Variants in F5 observed in about 807,000 individuals in gnomAD.
F5 encodes the protein coagulation factor V.
In F5, 138 loss-of-function variants were observed where a neutral mutation model predicts 216.4. The ratio of observed to expected loss-of-function variants is 0.64; its 90% CI spans 0.56 to 0.73. The LOEUF (loss-of-function observed/expected upper bound fraction) is 0.73, where lower values mean the gene tolerates loss of function less well. Ranked by LOEUF, F5 falls within the 30% of genes least tolerant of loss-of-function variation. The probability of loss-of-function intolerance (pLI) is 0.00; values close to 1 mark genes in which losing one functional copy is unlikely to be tolerated. For missense variants in F5, 2,403 were observed against 2,674.0 expected (o/e 0.90, Z 2.24); for synonymous variants, 916 against 930.7 (o/e 0.98, Z 0.29).
At chr1:169,554,828 T>A (rs1448186201) in intron 7 of F5, among the ~76,000 whole-genome samples, 1 of 152,232 alleles carries the variant, frequency 6.6e-6, no homozygotes, top group Non-Finnish European at 1.5e-5. Flanking sequence ...AAGAGCTATT[T>A]GAATTTCCAA....
rs550079731 is a variant in F5, at chr1:169,535,081, A to G, written c.4971+1425T>C. 6.2e-4 allele frequency among the ~76,000 whole-genome samples: 94 copies of G among 152,302 alleles called. 2 individuals carry two copies. In the South Asian group the frequency reaches 0.019, roughly 31 times the overall value. ...GATGAAAAACTATTGGGTACTATGC[A>G]CGCTACTTGGATGATGGGATCAATC... On this transcript the variant is annotated intron_variant, in intron 14 of 24. Transcript: ENST00000367797.
chr1:169,553,920 C>T (rs1276490532), intron 7 of F5, among the ~76,000 whole-genome samples: 1 of 152,164 alleles, frequency 6.6e-6, no homozygotes, highest in Non-Finnish European at 1.5e-5. Flanking sequence ...TCAGAAATAT[C>T]ATTTAACCCA....
intron 1 of F5, among the ~76,000 whole-genome samples, chr1:169,583,566 T>C (rs1427530870): frequency 6.6e-6 from 1 of 152,200 alleles, no homozygotes; most frequent in Non-Finnish European, 1.5e-5. Flanking sequence ...AATACTGAAA[T>C]CTCCTTCACA....
At chr1:169,546,329 T>C (rs976732522) in intron 11 of F5, 113 bp downstream of exon 11, 6 of 1,271,858 alleles carry the variant, frequency 4.7e-6, no homozygotes, top group African/African-American at 4.4e-5. Context: ...GAAGTGAGGA[T>C]TGGAGGTGCC....
chr1:169,542,301 T>A lies in F5; in HGVS notation c.2789A>T (p.Asp930Val). 1.2e-6 allele frequency: 2 copies of A among 1,613,964 alleles called. No homozygotes were observed. The highest frequency in any genetic ancestry group is 2.2e-5 in the East Asian group (1 of 44,890). The change falls in exon 13 of 25, where the codon GAT (aspartate) becomes GTT (valine). Residue 930 changes from aspartate to valine, a missense_variant. Coordinates refer to ENST00000367797, the MANE Select transcript of F5 (RefSeq NM_000130.5). ...RMRPWKDPPS[D>V]LLLLKQSNSS... ...GTTACTTTGTTTTAAGAGTAACAGATCACTAGGAGGGTCCTTCCAGGGCCT... is the reference window on the plus strand; with the variant it reads ...GTTACTTTGTTTTAAGAGTAACAGAACACTAGGAGGGTCCTTCCAGGGCCT...
At chr1:169,532,258 G>A (rs1031525767) in intron 14 of F5, among the ~76,000 whole-genome samples, 3 of 152,106 alleles carry the variant, frequency 2.0e-5, no homozygotes, top group African/African-American at 7.2e-5. Flanking sequence ...ATGAGCAAAA[G>A]CTGAAAGCCT....
At chr1:169,537,075 T>G (rs1352352128) in intron 13 of F5, among the ~76,000 whole-genome samples, 1 of 152,156 alleles carries the variant, frequency 6.6e-6, no homozygotes, top group African/African-American at 2.4e-5. Context: ...TGGGTATAAG[T>G]GCCATGAGGT....
At chr1:169,534,132 C>G (rs576280486) in intron 14 of F5, among the ~76,000 whole-genome samples, 13 of 152,200 alleles carry the variant, frequency 8.5e-5, no homozygotes, top group East Asian at 7.7e-4. Context: ...TCACGTACCC[C>G]CTCCTTGCTC....
rs138125042 is a variant in F5 at position 169,542,050 on chromosome 1, C to T, written c.3040G>A (p.Asp1014Asn). The change falls in exon 13 of 25, where the codon GAT (aspartate) becomes AAT (asparagine). Residue 1014 changes from aspartate (D) to asparagine (N), a missense_variant. This residue lies in a region of F5 where 1,425 missense variants were observed against 1,554.8 expected (regional missense o/e 0.92). Transcript: ENST00000367797. ...VRHKSLQVRQ[D>N]GGKSRLKKSQ... ...TTCTTCAGTCTACTCTTTCCTCCAT[C>T]CTGTCTTACTTGTAGAGATTTATGT... is the stretch of plus-strand genomic sequence containing the variant. 4 of 1,613,962 alleles carry T rather than the reference C, an allele frequency of 2.5e-6. No homozygotes were observed. Among genetic ancestry groups the T allele is most frequent in the African/African-American group, 2.7e-5 (2 of 74,892 alleles).
At position 169,563,100 on chromosome 1, in the gene F5, C is replaced by A. The variant is rs142202802; in HGVS notation, c.374-2334G>T. Among the ~76,000 whole-genome samples the A allele has an allele frequency of 9.0e-3, 1,368 of 152,124 alleles. 24 individuals are homozygous for A. Among genetic ancestry groups the A allele is most frequent in the African/African-American group, 0.031 (1,299 of 41,552 alleles). ...GACTTGGTATAGAATACTAAACAGA[C>A]AGATTCCCCTATCTTCTACCCTCCC... On this transcript the variant is annotated intron_variant, in intron 3 of 24. Transcript: ENST00000367797.
chr1:169,562,224 T>C (rs1234845940), intron 3 of F5, among the ~76,000 whole-genome samples: 1 of 152,116 alleles, frequency 6.6e-6, no homozygotes, highest in Non-Finnish European at 1.5e-5. Flanking sequence ...CAACCACTAA[T>C]CTGCTTTATT....
intron 19 of F5, 125 bp from the exon 20 acceptor site, chr1:169,524,029 C>T (rs1659372472): frequency 3.8e-6 from 3 of 792,270 alleles, no homozygotes; most frequent in Non-Finnish European, 6.5e-6. Flanking sequence ...GGAGTCTAGG[C>T]ATGGGCCTCA....
chr1:169,545,309 C>T (rs112594529), intron 11 of F5, among the ~76,000 whole-genome samples: 1 of 152,114 alleles, frequency 6.6e-6, no homozygotes, highest in Non-Finnish European at 1.5e-5. Context: ...AAGTGGTTAT[C>T]GAGCACTTGA....
intron 11 of F5, 90 bp from the exon 12 acceptor site, chr1:169,544,598 A>G: frequency 9.0e-7 from 1 of 1,108,842 alleles, no homozygotes; most frequent in Non-Finnish European, 1.3e-6. Context: ...CTCCATGTTA[A>G]TTTGGTTGTG....
At chr1:169,537,114 A>T (rs1659721775) in intron 13 of F5, among the ~76,000 whole-genome samples, 1 of 152,110 alleles carries the variant, frequency 6.6e-6, no homozygotes, top group South Asian at 2.1e-4. Context: ...TGCTCATAGT[A>T]CTCTCTCCAG....
At chr1:169,583,938 T>G (rs1230863189) in intron 1 of F5, among the ~76,000 whole-genome samples, 7 of 152,184 alleles carry the variant, frequency 4.6e-5, no homozygotes, top group Non-Finnish European at 8.8e-5. Flanking sequence ...AGGGGAAAAG[T>G]AGAAGGTTAA....
intron 22 of F5, among the ~76,000 whole-genome samples, chr1:169,518,814 A>G (rs1031860898): frequency 1.3e-5 from 2 of 152,230 alleles, no homozygotes; most frequent in African/African-American, 4.8e-5. Context: ...CACAGCCACA[A>G]GAATCAGAAA....
At chr1:169,554,169 A>AG (rs138850766) in intron 7 of F5, among the ~76,000 whole-genome samples, 1,428 of 92,628 alleles carry the variant, frequency 0.015, 17 homozygotes, top group East Asian at 0.03. Flanking sequence ...TGACCTCCCT[A>AG]CCCTCCCTGA....
At chr1:169,551,411 C>T (rs934732801) in intron 8 of F5, among the ~76,000 whole-genome samples, 1 of 152,206 alleles carries the variant, frequency 6.6e-6, no homozygotes, top group African/African-American at 2.4e-5. Flanking sequence ...GATCACACCA[C>T]TGCACTCCAG....
Sources: allele counts gnomAD v4.1 joint callset (sites outside exome capture counted in the v4.1 genomes callset), GRCh38; gene constraint gnomAD v4.1.1; regional missense constraint gnomAD v4.1.1; transcripts MANE v1.5; gene names NCBI Gene and HGNC (gene_info 2026-07-23, HGNC 2026-07-21).